The following DNAH6 variants were observed in gnomAD, a reference collection of about 807,000 sequenced individuals.
DNAH6 encodes the protein dynein axonemal heavy chain 6.
A neutral mutation model predicts 491.4 loss-of-function variants in DNAH6; 340 were observed. The ratio of observed to expected loss-of-function variants is 0.69; its 90% CI spans 0.63 to 0.76. DNAH6 has a LOEUF of 0.76. DNAH6 is among the 30% of genes least tolerant of loss of function. The probability of loss-of-function intolerance (pLI) is 0.00; values close to 1 mark genes in which losing one functional copy is unlikely to be tolerated. For synonymous variants in DNAH6, 1,603 were observed against 1,686.1 expected (o/e 0.95, Z 1.21); for missense variants, 4,443 against 4,972.2 (o/e 0.89, Z 3.20).
At chr2:84,623,317 A>C (rs993846651) in intron 26 of DNAH6, among the ~76,000 whole-genome samples, 1 of 152,204 alleles carries the variant, frequency 6.6e-6, no homozygotes, top group African/African-American at 2.4e-5. Flanking sequence ...TCTGGGGAAT[A>C]AAGGAAAATA....
chr2:84,811,944 A>G (rs550278392), intron 72 of DNAH6, among the ~76,000 whole-genome samples: 3 of 151,576 alleles, frequency 2.0e-5, no homozygotes, highest in African/African-American at 7.3e-5. Context: ...GACCAGTAGC[A>G]TGAGGTGGTT....
chr2:84,771,431 T>G (rs886473363), intron 64 of DNAH6, among the ~76,000 whole-genome samples: 2 of 152,118 alleles, frequency 1.3e-5, no homozygotes, highest in East Asian at 1.9e-4. Flanking sequence ...TGGTCCATAC[T>G]TCCCAAATTG....
At chr2:84,531,886 A>G (rs1472434895) in intron 4 of DNAH6, among the ~76,000 whole-genome samples, 5 of 152,158 alleles carry the variant, frequency 3.3e-5, no homozygotes, top group African/African-American at 1.2e-4. Flanking sequence ...ACTCGCTTGT[A>G]TAGTTCTTTG....
At chr2:84,698,591 A>G (rs1455887715) in intron 47 of DNAH6, among the ~76,000 whole-genome samples, 1 of 152,266 alleles carries the variant, frequency 6.6e-6, no homozygotes, top group Non-Finnish European at 1.5e-5. Flanking sequence ...ATCAGGAAGC[A>G]GCTGAAATCA....
chr2:84,720,736 G>A (rs1353592836), intron 59 of DNAH6, among the ~76,000 whole-genome samples: 5 of 152,028 alleles, frequency 3.3e-5, no homozygotes, highest in Admixed American at 1.3e-4. Context: ...CCCAAAATTC[G>A]TTGATATTTC....
At chr2:84,600,998 A>T (rs1357054465) in intron 18 of DNAH6, among the ~76,000 whole-genome samples, 7 of 132,776 alleles carry the variant, frequency 5.3e-5, no homozygotes, top group African/African-American at 7.3e-5. Context: ...AATAATAATA[A>T]TATACTATAA....
intron 63 of DNAH6, among the ~76,000 whole-genome samples, chr2:84,761,965 A>G (rs756550678): frequency 4.6e-5 from 7 of 152,306 alleles, no homozygotes; most frequent in African/African-American, 1.4e-4. Flanking sequence ...CTGTGTATTT[A>G]TCATGACAGC....
chr2:84,784,790 GTTC>G lies in DNAH6; in HGVS notation c.10937_10939del (p.Leu3646del). ...GCCTAGTAATACATTTCCTGTTACA[GTTC>G]TTCAAAATTCTGTCAAGGTAATGTA... On this transcript the variant is annotated inframe_deletion, in exon 66 of 77. Coordinates refer to ENST00000389394, the MANE Select transcript of DNAH6 (RefSeq NM_001370.2). The G allele has an allele frequency of 6.5e-7, 1 of 1,549,750 alleles. No homozygotes were observed. Among genetic ancestry groups the G allele is most frequent in the South Asian group, 1.2e-5 (1 of 84,004 alleles).
intron 18 of DNAH6, among the ~76,000 whole-genome samples, chr2:84,599,194 G>A (rs1311587599): frequency 6.6e-6 from 1 of 151,672 alleles, no homozygotes; most frequent in African/African-American, 2.4e-5. Context: ...TTATAATTGA[G>A]TTTTAAGAGT....
chr2:84,497,529 G>A, the DNAH6 span, among the ~76,000 whole-genome samples: 1 of 152,170 alleles, frequency 6.6e-6, no homozygotes, highest in African/African-American at 2.4e-5. Context: ...TTTACTGACT[G>A]TGTAGCCTTG....
At chr2:84,634,665 T>G in intron 30 of DNAH6, 24 bp downstream of exon 30, 1 of 1,484,276 alleles carries the variant, frequency 6.7e-7, no homozygotes, top group Non-Finnish European at 8.9e-7. Context: ...CAATCGACTT[T>G]CAAGGTAGCA....
chr2:84,699,780 G>A (rs1695719232), intron 48 of DNAH6, 46 bp downstream of exon 48: 1 of 1,538,394 alleles, frequency 6.5e-7, no homozygotes, highest in Non-Finnish European at 8.8e-7. Context: ...GGACTTGCTT[G>A]ACTTTAAAGG....
intron 2 of DNAH6, among the ~76,000 whole-genome samples, chr2:84,523,429 CCATTTTTTTT>C (rs1230521889): frequency 6.6e-6 from 1 of 151,524 alleles, no homozygotes; most frequent in African/African-American, 2.4e-5. Flanking sequence ...TTGATCTTTT[CCATTTTTTTT>C]ATTTCTCAAT....
intron 12 of DNAH6, among the ~76,000 whole-genome samples, chr2:84,574,596 T>G (rs1218106945): frequency 1.3e-5 from 2 of 152,182 alleles, no homozygotes; most frequent in African/African-American, 2.4e-5. Flanking sequence ...GACCAAAATG[T>G]GGCCCCAATT....
At chr2:84,741,548 G>A (rs1672528875) in intron 62 of DNAH6, among the ~76,000 whole-genome samples, 1 of 152,080 alleles carries the variant, frequency 6.6e-6, no homozygotes, top group Non-Finnish European at 1.5e-5. Flanking sequence ...AAGAGGGTGG[G>A]GCACCATTCA....
intron 4 of DNAH6, among the ~76,000 whole-genome samples, chr2:84,533,979 T>A (rs954775297): frequency 6.6e-6 from 1 of 152,146 alleles, no homozygotes; most frequent in Non-Finnish European, 1.5e-5. Flanking sequence ...TAGCTGTGTG[T>A]GAACCCTCAT....
chr2:84,549,807 A>T, intron 8 of DNAH6, 82 bp from the exon 9 acceptor site: 1 of 933,612 alleles, frequency 1.1e-6, no homozygotes, highest in Non-Finnish European at 1.6e-6. Context: ...TTTACATTTT[A>T]AATATTTGCT....
At chr2:84,642,169 A>G in intron 33 of DNAH6, 115 bp downstream of exon 33, 1 of 730,548 alleles carries the variant, frequency 1.4e-6, no homozygotes, top group East Asian at 2.8e-5. Flanking sequence ...TCTTTTCTGG[A>G]GAAACTTATT....
intron 49 of DNAH6, among the ~76,000 whole-genome samples, chr2:84,702,955 C>T (rs1487376600): frequency 6.6e-6 from 1 of 152,170 alleles, no homozygotes; most frequent in Admixed American, 6.5e-5. Context: ...GGTTTCAAAT[C>T]CAGCAGCTAG....
Sources: gnomAD v4.1 joint callset for allele counts (sites outside exome capture counted in the v4.1 genomes callset) on GRCh38, gnomAD v4.1.1 for gene constraint, MANE v1.5 for transcripts, NCBI Gene and HGNC (gene_info 2026-07-23, HGNC 2026-07-21) for gene names.